Variants in NACC2 observed in about 807,000 individuals in gnomAD.
NACC2 encodes the protein NACC family member 2, also known as nucleus accumbens-associated protein 2.
A neutral mutation model predicts 25.1 loss-of-function variants in NACC2; 8 were observed. The ratio of observed to expected loss-of-function variants is 0.32; its 90% confidence interval spans 0.19 to 0.57. The LOEUF (loss-of-function observed/expected upper bound fraction) is 0.57. NACC2 is among the 20% of genes least tolerant of loss of function. NACC2 has a pLI of 0.89. For missense variants in NACC2, 644 were observed against 650.2 expected, an observed-to-expected ratio of 0.99 and a Z score of 0.10; for synonymous variants, 435 against 294.7, an observed-to-expected ratio of 1.48 and a Z score of -4.88.
intron 2 of NACC2, among the ~76,000 whole-genome samples, chr9:136,042,953 C>G (rs1170570929): frequency 1.3e-5 from 2 of 151,370 alleles, no homozygotes; most frequent in South Asian, 2.1e-4. Flanking sequence ...CAGACACACA[C>G]AGACACACAG....
In NACC2 at chr9:136,013,259, A is replaced by G; in HGVS notation, c.1195T>C (p.Ser399Pro). The G allele has an allele frequency of 6.2e-7, 1 of 1,606,104 alleles. No homozygotes were observed. Among genetic ancestry groups the G allele is most frequent in the Non-Finnish European group, 8.5e-7 (1 of 1,176,230 alleles). The change falls in exon 5 of 6, where the codon TCG (serine) becomes CCG (proline). Residue 399 changes from serine (S) to proline (P), a missense_variant. Transcript: ENST00000277554. The surrounding 1 kb of genome is among the most constrained non-coding windows in gnomAD (Gnocchi z 6.6). Reference protein sequence around the residue: ...LANSCGTGIRSSTSDPSRKPL... With the variant: ...LANSCGTGIRPSTSDPSRKPL... ...TTCCGGCTGGGGTCGCTGGTGGACG[A>G]GCGGATGCCAGTCCCGCAGCTGTTG... is the stretch of plus-strand genomic sequence containing the variant.
At chr9:136,082,411 G>C (rs1461932869) in intron 1 of NACC2, among the ~76,000 whole-genome samples, 1 of 152,208 alleles carries the variant, frequency 6.6e-6, no homozygotes, top group East Asian at 1.9e-4. Flanking sequence ...CACCATGCCT[G>C]TGAGAGGTCT....
chr9:136,048,084 A>C (rs1840756357), intron 2 of NACC2, among the ~76,000 whole-genome samples: 3 of 152,090 alleles, frequency 2.0e-5, no homozygotes, highest in Admixed American at 6.5e-5. Flanking sequence ...TCTGGCTGCC[A>C]TTGTCGGCAG....
chr9:136,088,972 G>A (rs1038970599), intron 1 of NACC2, among the ~76,000 whole-genome samples: 10 of 152,240 alleles, frequency 6.6e-5, no homozygotes, highest in African/African-American at 1.7e-4. Context: ...TCGGCATCGC[G>A]TGGAGCGGCT....
At position 136,011,666 on chromosome 9, in the gene NACC2, G is replaced by T; in HGVS notation, c.1614C>A (p.Val538=). The change falls in exon 6 of 6, where the codon GTC becomes GTA. Residue 538 remains valine (V), a synonymous_variant. Transcript: ENST00000277554. Reference sequence around the variant, plus strand: ...GCTCGGGGGCGGCCACCTCCTGGATGACCGAGCCAGCCCCGTCCACCTCCT... The same window carrying T: ...GCTCGGGGGCGGCCACCTCCTGGATTACCGAGCCAGCCCCGTCCACCTCCT... ...AGEEVDGAGS[V]IQEVAAPEPL... is the part of the protein sequence containing the mutation. 7.0e-7 allele frequency: 1 copy of T among 1,419,614 alleles called. No individual in the cohort carries two copies. Among genetic ancestry groups the T allele is most frequent in the South Asian group, 1.5e-5 (1 of 65,566 alleles). 87.9% of individuals were successfully genotyped at this position (1,419,614 alleles called of 1,614,324 possible). A position where few individuals can be genotyped will look rare whatever the true frequency, so the allele number is the denominator to read the frequency against.
intron 1 of NACC2, among the ~76,000 whole-genome samples, chr9:136,078,146 G>T (rs1174054643): frequency 6.6e-6 from 1 of 152,186 alleles, no homozygotes; most frequent in Admixed American, 6.5e-5. Context: ...CAGACACAGT[G>T]GTAGAGAGTG....
intron 2 of NACC2, among the ~76,000 whole-genome samples, chr9:136,045,451 T>C (rs939695522): frequency 6.9e-6 from 1 of 145,188 alleles, no homozygotes; most frequent in African/African-American, 2.5e-5. Flanking sequence ...GGCGTGGCTT[T>C]GTCTCTGCCA....
Position 136,013,135 on chromosome 9 carries a change from T to C in NACC2, c.1255+64A>G. On this transcript the variant is annotated intron_variant, in intron 5 of 5. Transcript: ENST00000277554. This position sits in a 1 kb window ranked among gnomAD's most constrained non-coding sequence, Gnocchi z 6.6. ...AGCACCCCCGCGGCCCACCCAGTCC[T>C]CCTCAGGCTGGGATCTGAACCCAGC... The C allele has an allele frequency of 7.3e-7, 1 of 1,364,466 alleles. No individual in the cohort carries two copies. The highest frequency in any genetic ancestry group is 2.4e-5 in the East Asian group (1 of 41,854). 84.5% of individuals were successfully genotyped at this position (1,364,466 alleles called of 1,614,324 possible).
Position 136,076,056 on chromosome 9 carries a change from C to G in NACC2, c.-60+19133G>C, listed in dbSNP as rs1167126700. On this transcript the variant is annotated intron_variant, in intron 1 of 5. Transcript: ENST00000277554. ...GGTCACGAAGAGATCCTGCAAAGAA[C>G]AGTCATCGAAAACTTGGAAATAAAG... Among the ~76,000 whole-genome samples the G allele has an allele frequency of 2.0e-5, 3 of 152,182 alleles. No individual in the cohort carries two copies. The East Asian group carries it at 5.8e-4, about 29-fold the overall frequency.
chr9:136,086,641 T>C lies in NACC2; in HGVS notation c.-60+8548A>G, dbSNP rs1830381221. Among the ~76,000 whole-genome samples the C allele has an allele frequency of 6.6e-6, 1 of 152,140 alleles. No individual in the cohort carries two copies. The highest frequency in any genetic ancestry group is 2.1e-4 in the South Asian group (1 of 4,826). On this transcript the variant is annotated intron_variant, in intron 1 of 5. Coordinates refer to ENST00000277554, the MANE Select transcript of NACC2 (RefSeq NM_144653.5). The surrounding 1 kb of genome is among the most constrained non-coding windows in gnomAD (Gnocchi z 5.6). The stretch of plus-strand genomic sequence containing the variant: ...ACCGCCTAAACTGGGTTACAATAAT[T>C]AACACGAATCCTGTTCCCAAACTTA...
At chr9:136,074,712 C>A (rs1296086772) in intron 1 of NACC2, among the ~76,000 whole-genome samples, 1 of 151,912 alleles carries the variant, frequency 6.6e-6, no homozygotes, top group South Asian at 2.1e-4. Flanking sequence ...TAAACTGCAC[C>A]GACAGATGAA....
At chr9:136,082,706 G>A (rs985277466) in intron 1 of NACC2, among the ~76,000 whole-genome samples, 2 of 152,184 alleles carry the variant, frequency 1.3e-5, no homozygotes, top group African/African-American at 4.8e-5. Flanking sequence ...CCCCAACAGG[G>A]GCGCAGCCCT....
intron 1 of NACC2, among the ~76,000 whole-genome samples, chr9:136,051,327 G>A (rs1386580308): frequency 6.6e-6 from 1 of 152,210 alleles, no homozygotes; most frequent in Non-Finnish European, 1.5e-5. Context: ...GCAGGAGTTG[G>A]GAAGCCTGTC....
rs1330235324 is a variant in NACC2, at chr9:136,019,931, C to T, written c.887-3502G>A. ...GAAGGACACATCCCGGGGCTCCACT[C>T]GCAGGCGGCCCCCAGAGTCGTCAGG... is the stretch of plus-strand genomic sequence containing the variant. On this transcript the variant is annotated intron_variant, in intron 2 of 5. Transcript: ENST00000277554. This position sits in a 1 kb window ranked among gnomAD's most constrained non-coding sequence, Gnocchi z 5.2. Among the ~76,000 whole-genome samples, 1 of 151,060 alleles carries T rather than the reference C, an allele frequency of 6.6e-6. No homozygotes were observed. Among genetic ancestry groups the T allele is most frequent in the South Asian group, 2.1e-4 (1 of 4,718 alleles).
rs1437300089 is a variant in NACC2 at position 136,019,885 on chromosome 9, C to G, written c.887-3456G>C. Among the ~76,000 whole-genome samples, 1 of 152,096 alleles carries G rather than the reference C, an allele frequency of 6.6e-6. No individual in the cohort carries two copies. The highest frequency in any genetic ancestry group is 1.5e-5 in the Non-Finnish European group (1 of 68,016). On this transcript the variant is annotated intron_variant, in intron 2 of 5. Transcript: ENST00000277554. The surrounding 1 kb of genome is among the most constrained non-coding windows in gnomAD (Gnocchi z 5.2). ...GCGGCTGAGCCTGGAGGACACCACA[C>G]TCAGGAAGCTGCCAGACACAGAAGG...
chr9:136,014,692 C>T (rs964267394), intron 3 of NACC2, among the ~76,000 whole-genome samples: 8 of 152,160 alleles, frequency 5.3e-5, no homozygotes, highest in Middle Eastern at 3.2e-3. Flanking sequence ...CCTCAGGCAA[C>T]GATGAGGGAG....
At chr9:136,087,083 G>A (rs1335801840) in intron 1 of NACC2, among the ~76,000 whole-genome samples, 1 of 152,248 alleles carries the variant, frequency 6.6e-6, no homozygotes, top group Non-Finnish European at 1.5e-5. Flanking sequence ...CAGAAGGAAG[G>A]TGGCCGTGTG....
At chr9:136,074,361 G>A (rs1830233348) in intron 1 of NACC2, among the ~76,000 whole-genome samples, 1 of 146,052 alleles carries the variant, frequency 6.8e-6, no homozygotes, top group Non-Finnish European at 1.5e-5. Flanking sequence ...GCTGAGGCAG[G>A]AGAATGGAGT....
At chr9:136,016,165 C>G in intron 3 of NACC2, 100 bp downstream of exon 3, 2 of 1,300,030 alleles carry the variant, frequency 1.5e-6, no homozygotes, top group African/African-American at 1.5e-5. Flanking sequence ...TTTTTTTTGA[C>G]TGATTGGTGA....
Sources: gnomAD v4.1 joint callset for allele counts (sites outside exome capture counted in the v4.1 genomes callset) on GRCh38, gnomAD v4.1.1 for gene constraint, Gnocchi (gnomAD v3.1) non-coding constraint, MANE v1.5 for transcripts, NCBI Gene and HGNC (gene_info 2026-07-23, HGNC 2026-07-21) for gene names.